Variants in PRKCE observed in about 807,000 individuals in gnomAD.
PRKCE encodes the protein protein kinase C epsilon.
A neutral mutation model predicts 85.4 loss-of-function variants in PRKCE; 16 were observed. The observed-to-expected ratio is 0.19, with a 90% CI of 0.13 to 0.28. PRKCE has a LOEUF of 0.28. Among genes scored for constraint, PRKCE ranks in the 10% least tolerant of loss-of-function variants. PRKCE has a pLI of 1.00. For synonymous variants in PRKCE, 388 were observed against 371.5 expected, an observed-to-expected ratio of 1.04 and a Z score of -0.51; for missense variants, 573 against 975.2, an observed-to-expected ratio of 0.59 and a Z score of 5.49.
intron 11 of PRKCE, among the ~76,000 whole-genome samples, chr2:46,106,181 G>A (rs1433936595): frequency 6.6e-6 from 1 of 152,142 alleles, no homozygotes; most frequent in Non-Finnish European, 1.5e-5. Context: ...TGAAACTCAT[G>A]TTGTTCAAGG....
chr2:46,012,351 G>A (rs1484963180), intron 10 of PRKCE, among the ~76,000 whole-genome samples: 1 of 150,976 alleles, frequency 6.6e-6, no homozygotes, highest in Non-Finnish European at 1.5e-5. Flanking sequence ...GAGAAAATTG[G>A]GTTTCAGAGA....
Position 45,995,337 on chromosome 2 carries a change from T to C in PRKCE, c.824-6067T>C, listed in dbSNP as rs756519511. 2.0e-5 allele frequency among the ~76,000 whole-genome samples: 3 copies of C among 152,224 alleles called. No homozygotes were observed. The East Asian group carries it at 5.8e-4, about 29-fold the overall frequency. On this transcript the variant is annotated intron_variant, in intron 6 of 14. Coordinates refer to ENST00000306156, the MANE Select transcript of PRKCE (RefSeq NM_005400.3). ...GGAGGTGGGGGACAGAGCAAAAGTT[T>C]TTTATTTTAATGAAGTTCAGCTTAT... is the stretch of plus-strand genomic sequence containing the variant.
chr2:45,966,680 TAA>T (rs1288405260), intron 2 of PRKCE, among the ~76,000 whole-genome samples: 1 of 152,194 alleles, frequency 6.6e-6, no homozygotes, highest in Non-Finnish European at 1.5e-5. Context: ...TTTCTAGAGT[TAA>T]GTCAGTGTTC....
chr2:45,906,073 C>T (rs560645287), intron 2 of PRKCE, among the ~76,000 whole-genome samples: 3 of 152,390 alleles, frequency 2.0e-5, no homozygotes, highest in South Asian at 2.1e-4. Flanking sequence ...ATTATCCTAA[C>T]TTGGTAGACC....
intron 2 of PRKCE, among the ~76,000 whole-genome samples, chr2:45,849,471 T>C (rs543865623): frequency 5.3e-5 from 8 of 152,310 alleles, no homozygotes; most frequent in Non-Finnish European, 7.3e-5. Flanking sequence ...CAAGCCCAGA[T>C]ACTCCCACGC....
chr2:46,124,194 G>T (rs192453360), intron 11 of PRKCE, among the ~76,000 whole-genome samples: 2 of 152,212 alleles, frequency 1.3e-5, no homozygotes, highest in African/African-American at 4.8e-5. Context: ...GTGTGGTGGT[G>T]CATGCCTGTA....
At chr2:45,782,760 T>TATATATATAC (rs1558665856) in intron 1 of PRKCE, among the ~76,000 whole-genome samples, 2 of 151,638 alleles carry the variant, frequency 1.3e-5, no homozygotes, top group African/African-American at 4.9e-5. Context: ...TATATATATA[T>TATATATATAC]ACACACACAT....
chr2:46,030,817 T>A (rs1558982061), intron 10 of PRKCE, among the ~76,000 whole-genome samples: 1 of 152,248 alleles, frequency 6.6e-6, no homozygotes, highest in Non-Finnish European at 1.5e-5. Context: ...AGTCCCTGTA[T>A]TCCTGCACCA....
At chr2:45,752,345 A>G (rs992088791) in intron 1 of PRKCE, among the ~76,000 whole-genome samples, 1 of 152,180 alleles carries the variant, frequency 6.6e-6, no homozygotes, top group Admixed American at 6.5e-5. Flanking sequence ...TTGAGTTTTA[A>G]ACCCCAGCAA....
intron 1 of PRKCE, chr2:45,675,365 C>G (rs1293812313): frequency 6.6e-6 from 1 of 152,232 alleles, no homozygotes; most frequent in Non-Finnish European, 1.5e-5. Context: ...TTCCTTGTTT[C>G]TAGCCCATGT....
intron 10 of PRKCE, among the ~76,000 whole-genome samples, chr2:46,085,483 G>A (rs760382980): frequency 2.2e-4 from 33 of 152,134 alleles, no homozygotes; most frequent in Non-Finnish European, 4.1e-4. Context: ...GAAGGTGCTG[G>A]CTAGGCTGTT....
At chr2:46,024,724 T>A (rs1436163681) in intron 10 of PRKCE, among the ~76,000 whole-genome samples, 4 of 152,186 alleles carry the variant, frequency 2.6e-5, no homozygotes, top group Non-Finnish European at 5.9e-5. Flanking sequence ...AAATGACTTT[T>A]GTTCTCAGTG....
chr2:46,062,195 C>T (rs145176871), intron 10 of PRKCE, among the ~76,000 whole-genome samples: 25 of 152,270 alleles, frequency 1.6e-4, no homozygotes, highest in African/African-American at 6.0e-4. Flanking sequence ...TGCCCTCCTG[C>T]TGGATATAAA....
intron 1 of PRKCE, among the ~76,000 whole-genome samples, chr2:45,825,279 G>T (rs757192442): frequency 2.6e-5 from 4 of 152,174 alleles, no homozygotes; most frequent in Non-Finnish European, 5.9e-5. Flanking sequence ...ATAGGTTTAG[G>T]CACTAGCCAC....
rs58347072 is a variant in PRKCE at position 46,064,280 on chromosome 2, C to CA, written c.1438-21906dup. On this transcript the variant is annotated intron_variant, in intron 10 of 14. Coordinates refer to ENST00000306156, the MANE Select transcript of PRKCE (RefSeq NM_005400.3). ...TGGGTGACAGAGTGAGACTCTGTCTCAAAAAAAAAAAAAAAAAAAAAAGAA... is the reference window on the plus strand; with the variant it reads ...TGGGTGACAGAGTGAGACTCTGTCTCAAAAAAAAAAAAAAAAAAAAAAAGAA... Among the ~76,000 whole-genome samples, 615 of 90,504 alleles carry CA rather than the reference C, an allele frequency of 6.8e-3. 3 individuals are homozygous for CA. The highest frequency in any genetic ancestry group is 0.026 in the East Asian group (73 of 2,772). 59.4% of individuals were successfully genotyped at this position (90,504 alleles called of 152,430 possible).
chr2:45,900,282 A>T (rs1696478126), intron 2 of PRKCE, among the ~76,000 whole-genome samples: 1 of 152,226 alleles, frequency 6.6e-6, no homozygotes, highest in Admixed American at 6.5e-5. Flanking sequence ...AAAGAACTGG[A>T]AGCAGGAACT....
chr2:46,053,719 A>G (rs57075718), intron 10 of PRKCE, among the ~76,000 whole-genome samples: 4,644 of 152,286 alleles, frequency 0.03, 139 homozygotes, highest in East Asian at 0.14. Flanking sequence ...TCCATTGTAT[A>G]TACATACGAC....
chr2:46,135,587 T>C (rs1256402628), intron 11 of PRKCE, among the ~76,000 whole-genome samples: 1 of 152,074 alleles, frequency 6.6e-6, no homozygotes, highest in Non-Finnish European at 1.5e-5. Flanking sequence ...AAGTAGTTAA[T>C]TGTGTTGCTC....
intron 1 of PRKCE, among the ~76,000 whole-genome samples, chr2:45,691,885 C>T (rs1356549546): frequency 6.6e-6 from 1 of 152,240 alleles, no homozygotes; most frequent in Non-Finnish European, 1.5e-5. Context: ...GAAGAGGGTA[C>T]AGGTGGCTTA....
Sources: allele counts gnomAD v4.1 joint callset (sites outside exome capture counted in the v4.1 genomes callset), GRCh38; gene constraint gnomAD v4.1.1; transcripts MANE v1.5; gene names NCBI Gene and HGNC (gene_info 2026-07-23, HGNC 2026-07-21).